The following FAM169A variants were observed in gnomAD, a reference collection of about 807,000 sequenced individuals.
The protein encoded by FAM169A is soluble lamin-associated protein of 75 kDa.
In FAM169A, 24 loss-of-function variants were observed where a neutral mutation model predicts 75.7. The observed-to-expected ratio is 0.32, with a 90% confidence interval of 0.23 to 0.45. FAM169A has a LOEUF of 0.45. Among genes scored for constraint, FAM169A ranks in the 20% least tolerant of loss-of-function variants. FAM169A has a pLI of 1.00. For missense variants in FAM169A, 673 were observed against 784.0 expected (o/e 0.86, Z 1.69); for synonymous variants, 271 against 271.0 (o/e 1.00, Z 0.00).
At chr5:74,866,107 G>A (rs1466274514) in intron 1 of FAM169A, 58 bp downstream of exon 1, 7 of 876,042 alleles carry the variant, frequency 8.0e-6, no homozygotes, top group African/African-American at 1.8e-5. Context: ...CGCGGGGCCC[G>A]GCGCGGCCGT....
chr5:74,854,450 TTG>T (rs1175915392), intron 1 of FAM169A, among the ~76,000 whole-genome samples: 6 of 152,156 alleles, frequency 3.9e-5, no homozygotes, highest in Admixed American at 1.3e-4. Context: ...CATTTATCCT[TTG>T]TGTTACAAAC....
At chr5:74,858,379 C>T (rs1033360533) in intron 1 of FAM169A, among the ~76,000 whole-genome samples, 3 of 152,058 alleles carry the variant, frequency 2.0e-5, no homozygotes, top group Admixed American at 1.3e-4. Context: ...CAGTGTGAGA[C>T]TCCATCTCAA....
chr5:74,850,460 C>T (rs1387034847), intron 1 of FAM169A, among the ~76,000 whole-genome samples: 2 of 152,126 alleles, frequency 1.3e-5, no homozygotes, highest in East Asian at 1.9e-4. Flanking sequence ...GAAGATACTG[C>T]GTATTTGGTA....
intron 10 of FAM169A, chr5:74,799,656 G>T: frequency 7.4e-6 from 10 of 1,343,306 alleles, no homozygotes; most frequent in Non-Finnish European, 1.1e-5. Context: ...ACCTGGCCTG[G>T]GCCAGCCACG....
At chr5:74,838,031 C>T (rs1401566591) in intron 4 of FAM169A, among the ~76,000 whole-genome samples, 1 of 150,042 alleles carries the variant, frequency 6.7e-6, no homozygotes, top group Non-Finnish European at 1.5e-5. Context: ...GCAGGAGAAT[C>T]GCTTGAACCC....
rs117033775 is a variant in FAM169A at position 74,828,973 on chromosome 5, G to A, written c.490+5453C>T. Among the ~76,000 whole-genome samples the A allele has an allele frequency of 3.0e-3, 463 of 152,234 alleles. 16 individuals are homozygous for A. Among genetic ancestry groups the A allele is most frequent in the Admixed American group, 0.023 (358 of 15,282 alleles). On this transcript the variant is annotated intron_variant, in intron 5 of 12. Coordinates refer to ENST00000687041, the MANE Select transcript of FAM169A (RefSeq NM_001376049.1). ...ATCCAAATTTTCACTACAAAATTCTGAGAAAAGTTTGCAAGAGTACATGTA... is the reference window on the plus strand; with the variant it reads ...ATCCAAATTTTCACTACAAAATTCTAAGAAAAGTTTGCAAGAGTACATGTA...
intron 10 of FAM169A, among the ~76,000 whole-genome samples, 150 bp downstream of exon 10, chr5:74,800,719 AAAAAGTATATT>A (rs1201415997): frequency 3.1e-4 from 47 of 151,416 alleles, no homozygotes; most frequent in South Asian, 8.3e-4. Context: ...GCTAAATACC[AAAAAGTATATT>A]AAAAGTATAT....
At chr5:74,794,890 G>A (rs1283795900) in intron 11 of FAM169A, among the ~76,000 whole-genome samples, 1 of 152,168 alleles carries the variant, frequency 6.6e-6, no homozygotes, top group Non-Finnish European at 1.5e-5. Context: ...AGGAGATGGA[G>A]GCTGCAGTGA....
At chr5:74,857,572 G>GAAAAAA (rs35476827) in intron 1 of FAM169A, among the ~76,000 whole-genome samples, 9 of 56,306 alleles carry the variant, frequency 1.6e-4, no homozygotes, top group South Asian at 7.9e-4. Context: ...CTTGCCGCGG[G>GAAAAAA]AAAAAAAAAA....
chr5:74,791,565 GTGAC>G (rs1745977853), intron 11 of FAM169A, among the ~76,000 whole-genome samples: 1 of 152,332 alleles, frequency 6.6e-6, no homozygotes, highest in South Asian at 2.1e-4. Flanking sequence ...GTTGGCTGGG[GTGAC>G]TGACCCAGAC....
At chr5:74,849,780 G>A (rs1048621578) in intron 1 of FAM169A, among the ~76,000 whole-genome samples, 6 of 151,870 alleles carry the variant, frequency 4.0e-5, no homozygotes, top group Non-Finnish European at 5.9e-5. Context: ...GGTCCTAAAC[G>A]CTAGATTCCT....
chr5:74,827,057 T>C (rs1162524601), intron 5 of FAM169A, among the ~76,000 whole-genome samples: 2 of 152,192 alleles, frequency 1.3e-5, no homozygotes, highest in Non-Finnish European at 2.9e-5. Flanking sequence ...GCAAAAATGC[T>C]ACAGAATGAT....
chr5:74,851,279 G>A (rs1341870883), intron 1 of FAM169A, among the ~76,000 whole-genome samples: 1 of 152,090 alleles, frequency 6.6e-6, no homozygotes, highest in African/African-American at 2.4e-5. Flanking sequence ...TCTTGGATAC[G>A]GCCTATCTTG....
At chr5:74,799,391 T>G in intron 10 of FAM169A, 20 of 1,613,144 alleles carry the variant, frequency 1.2e-5, no homozygotes, top group Non-Finnish European at 1.7e-5. Flanking sequence ...GACTGGTGGG[T>G]GAGCAAGCAC....
intron 1 of FAM169A, among the ~76,000 whole-genome samples, chr5:74,859,105 T>G (rs895586330): frequency 6.6e-6 from 1 of 151,124 alleles, no homozygotes; most frequent in African/African-American, 2.4e-5. Context: ...TCTCAGCTAC[T>G]CAAGAGGCTG....
intron 1 of FAM169A, among the ~76,000 whole-genome samples, chr5:74,845,893 C>T (rs1435236349): frequency 6.6e-6 from 1 of 152,156 alleles, no homozygotes; most frequent in East Asian, 1.9e-4. Flanking sequence ...CTTTGTATTT[C>T]TATCAAATTC....
chr5:74,829,843 C>T (rs1219002341), intron 5 of FAM169A, among the ~76,000 whole-genome samples: 1 of 151,990 alleles, frequency 6.6e-6, no homozygotes, highest in African/African-American at 2.4e-5. Flanking sequence ...CGTAATGGCA[C>T]GTGCCTGTAA....
At chr5:74,866,772 T>A, upstream of FAM169A, 1 of 985,550 alleles carries the variant, frequency 1.0e-6, no homozygotes, top group Non-Finnish European at 1.2e-6. Flanking sequence ...TCTGTTCGCA[T>A]AGCCCGGTGG....
intron 11 of FAM169A, among the ~76,000 whole-genome samples, chr5:74,784,647 G>A (rs747053547): frequency 2.1e-4 from 31 of 149,208 alleles, no homozygotes; most frequent in Middle Eastern, 3.5e-3. Context: ...GCTGGGCCAC[G>A]GTGGCTCACA....
Sources: allele counts gnomAD v4.1 joint callset (sites outside exome capture counted in the v4.1 genomes callset), GRCh38; gene constraint gnomAD v4.1.1; transcripts MANE v1.5; gene names NCBI Gene and HGNC (gene_info 2026-07-23, HGNC 2026-07-21).